Variants in PIK3R3 observed in about 807,000 individuals in gnomAD.
PIK3R3 encodes the protein phosphoinositide-3-kinase regulatory subunit 3.
Under a neutral mutation model 62.9 loss-of-function variants are expected in PIK3R3, and 64 were observed. The ratio of observed to expected loss-of-function variants is 1.02; its 90% CI spans 0.83 to 1.25. PIK3R3 has a LOEUF of 1.25. Ranked by LOEUF, PIK3R3 falls within the 50% of genes most tolerant of loss-of-function variation. The probability of loss-of-function intolerance (pLI) is 0.00; values close to 1 mark genes in which losing one functional copy is unlikely to be tolerated. For missense variants in PIK3R3, 614 were observed against 561.6 expected (o/e 1.09, Z -0.94); for synonymous variants, 165 against 189.0 (o/e 0.87, Z 1.04).
the PIK3R3 span, among the ~76,000 whole-genome samples, chr1:46,146,303 T>C: frequency 1.3e-5 from 2 of 152,232 alleles, no homozygotes; most frequent in African/African-American, 4.8e-5. Flanking sequence ...GCTTTTTTCA[T>C]GGGCTGTGCT....
At chr1:46,050,765 C>A (rs1647279576) in intron 7 of PIK3R3, among the ~76,000 whole-genome samples, 1 of 152,108 alleles carries the variant, frequency 6.6e-6, no homozygotes, top group African/African-American at 2.4e-5. Flanking sequence ...ATGTTCACAG[C>A]AGCATTACTG....
chr1:46,063,941 G>A (rs949535121), intron 5 of PIK3R3, among the ~76,000 whole-genome samples: 6 of 152,188 alleles, frequency 3.9e-5, no homozygotes, highest in African/African-American at 7.2e-5. Context: ...GCTGGGCACC[G>A]GTGGCTTACG....
At chr1:46,165,751 C>CTTTTTTTTTTTTTTTTTTTTTT in the PIK3R3 span, among the ~76,000 whole-genome samples, 2 of 39,554 alleles carry the variant, frequency 5.1e-5, 1 homozygote, top group African/African-American at 1.9e-4. Flanking sequence ...CTGCTTTGTC[C>CTTTTTTTTTTTTTTTTTTTTTT]TTTTTTTTTT....
chr1:46,107,945 CA>C (rs1356459268), intron 1 of PIK3R3, among the ~76,000 whole-genome samples: 1 of 152,158 alleles, frequency 6.6e-6, no homozygotes, highest in African/African-American at 2.4e-5. Context: ...TTCTCTTTGC[CA>C]TTTACCAAAT....
chr1:46,109,390 A>G (rs2149452102), intron 1 of PIK3R3, among the ~76,000 whole-genome samples: 1 of 152,186 alleles, frequency 6.6e-6, no homozygotes, highest in Middle Eastern at 3.4e-3. Flanking sequence ...TTGTATCATT[A>G]TTTCACTTAA....
chr1:46,132,772 G>T, upstream of PIK3R3: 1 of 1,273,816 alleles, frequency 7.9e-7, no homozygotes, highest in South Asian at 1.3e-5. Flanking sequence ...ACGCCGTCCC[G>T]CCTCGATGTA....
chr1:46,132,979 G>C, upstream of PIK3R3: 2 of 1,101,864 alleles, frequency 1.8e-6, no homozygotes, highest in Middle Eastern at 4.2e-4. Flanking sequence ...AGCCAGGCGA[G>C]GAGGGAGTGG....
In PIK3R3 at chr1:46,102,803, TAAAAAA is replaced by T. The variant is rs33975572; in HGVS notation, c.107-22059_107-22054del. ...TCCTTCTTATTCTGGGTATATATCT[TAAAAAA>T]AAAAAAAAAAAAAAAAAAAAAACCT... On this transcript the variant is annotated intron_variant, in intron 1 of 9. Coordinates refer to ENST00000262741, the MANE Select transcript of PIK3R3 (RefSeq NM_003629.4). Among the ~76,000 whole-genome samples, 277 of 55,770 alleles carry T rather than the reference TAAAAAA, an allele frequency of 5.0e-3. 3 individuals are homozygous for T. The highest frequency in any genetic ancestry group is 0.049 in the East Asian group (81 of 1,650). 36.6% of individuals were successfully genotyped at this position (55,770 alleles called of 152,430 possible). A position where few individuals can be genotyped will look rare whatever the true frequency, so the allele number is the denominator to read the frequency against.
chr1:46,148,600 T>TACATCCC, the PIK3R3 span, among the ~76,000 whole-genome samples: 1 of 152,166 alleles, frequency 6.6e-6, no homozygotes, highest in African/African-American at 2.4e-5. Context: ...GTAGCCACCC[T>TACATCCC]TGGAAGCAGA....
At chr1:46,077,927 T>TA (rs1453678643) in intron 2 of PIK3R3, among the ~76,000 whole-genome samples, 1 of 152,152 alleles carries the variant, frequency 6.6e-6, no homozygotes, top group African/African-American at 2.4e-5. Flanking sequence ...TCTGAACTTG[T>TA]AAAGTTTCAG....
the PIK3R3 span, among the ~76,000 whole-genome samples, chr1:46,141,532 A>G: frequency 8.2e-4 from 125 of 152,274 alleles, 2 homozygotes; most frequent in South Asian, 0.025. Flanking sequence ...CGGCCTCCCA[A>G]AGTGCTGGGA....
chr1:46,138,160 T>A, the PIK3R3 span, among the ~76,000 whole-genome samples: 3 of 152,230 alleles, frequency 2.0e-5, no homozygotes, highest in Admixed American at 2.0e-4. Context: ...TTCTGAAATA[T>A]AACACCATAT....
chr1:46,149,024 A>C, the PIK3R3 span, among the ~76,000 whole-genome samples: 1 of 152,182 alleles, frequency 6.6e-6, no homozygotes. Context: ...AACAGGATGC[A>C]GTAAAGAAGC....
chr1:46,133,050 G>A (rs1349918393), upstream of PIK3R3: 1 of 1,021,130 alleles, frequency 9.8e-7, no homozygotes, highest in South Asian at 3.3e-5. Context: ...GGAGCCTGGA[G>A]CCTGCGTCTT....
chr1:46,082,057 TATCTC>T (rs1650644377), intron 1 of PIK3R3, among the ~76,000 whole-genome samples: 1 of 152,176 alleles, frequency 6.6e-6, no homozygotes, highest in Non-Finnish European at 1.5e-5. Context: ...AGATTACTGT[TATCTC>T]AATATACTGT....
intron 1 of PIK3R3, among the ~76,000 whole-genome samples, chr1:46,131,276 A>G (rs1465316299): frequency 6.6e-6 from 1 of 152,152 alleles, no homozygotes; most frequent in African/African-American, 2.4e-5. Flanking sequence ...CTGAATACGA[A>G]CGCCCAATCC....
rs1284419730 is a variant in PIK3R3 at position 46,041,045 on chromosome 1, T to C, written c.*2628A>G. On this transcript the variant is annotated 3_prime_UTR_variant, in exon 10 of 10. Transcript: ENST00000262741. ...CCAGGGGTATAATGAACCCCTCTGA[T>C]CTTGGTCTCTCTTTGCCCTCTGCCT... 1.2e-5 allele frequency: 2 copies of C among 160,844 alleles called. No individual in the cohort carries two copies. The highest frequency in any genetic ancestry group is 2.7e-5 in the Non-Finnish European group (2 of 73,078). The allele number at this position is 160,844 out of a possible 1,614,324, so 10.0% of individuals were successfully genotyped here.
the PIK3R3 span, among the ~76,000 whole-genome samples, chr1:46,147,647 G>A: frequency 3.1e-3 from 457 of 148,660 alleles, 2 homozygotes; most frequent in Non-Finnish European, 4.4e-3. Context: ...TCTCGATCTC[G>A]ATCTCCTGAC....
chr1:46,156,151 T>C, the PIK3R3 span, among the ~76,000 whole-genome samples: 3 of 152,194 alleles, frequency 2.0e-5, no homozygotes, highest in East Asian at 1.9e-4. Flanking sequence ...CACATTTCTA[T>C]AAATGTGCAT....
Sources: gnomAD v4.1 joint callset for allele counts (sites outside exome capture counted in the v4.1 genomes callset) on GRCh38, gnomAD v4.1.1 for gene constraint, MANE v1.5 for transcripts, NCBI Gene and HGNC (gene_info 2026-07-23, HGNC 2026-07-21) for gene names.